The following GRIN2D variants were observed in gnomAD, a reference collection of about 807,000 sequenced individuals.
GRIN2D encodes the protein glutamate ionotropic receptor NMDA type subunit 2D.
In GRIN2D, 37 loss-of-function variants were observed where a neutral mutation model predicts 103.2. The observed-to-expected ratio is 0.36, with a 90% CI of 0.28 to 0.47. The LOEUF is 0.47. GRIN2D is among the 20% of genes least tolerant of loss of function. The probability of loss-of-function intolerance (pLI) is 1.00; values close to 1 mark genes in which losing one functional copy is unlikely to be tolerated. For synonymous variants in GRIN2D, 845 were observed against 885.6 expected, an observed-to-expected ratio of 0.95 and a Z score of 0.81; for missense variants, 1,557 against 1,910.6, an observed-to-expected ratio of 0.81 and a Z score of 3.45.
chr19:48,416,046 C>T lies in GRIN2D; in HGVS notation c.1626C>T (p.Ile542=). The change falls in exon 8 of 14, where the codon ATC becomes ATT. Residue 542 remains isoleucine (I), a synonymous_variant. Coordinates refer to ENST00000263269, the MANE Select transcript of GRIN2D (RefSeq NM_000836.4). ...RADMAIGSLT[I]NEERSEIVDF... ...ACATGGCCATCGGCTCCCTCACCATCAACGAGGAGCGCTCCGAGATCGTGG... is the reference window on the plus strand; with the variant it reads ...ACATGGCCATCGGCTCCCTCACCATTAACGAGGAGCGCTCCGAGATCGTGG... The T allele has an allele frequency of 1.9e-6, 3 of 1,614,002 alleles. No homozygotes were observed. The highest frequency in any genetic ancestry group is 1.7e-6 in the Non-Finnish European group (2 of 1,179,918).
At position 48,404,633 on chromosome 19, in the gene GRIN2D, C is replaced by T. The variant is rs1970759997; in HGVS notation, c.466-101C>T. On this transcript the variant is annotated intron_variant, in intron 3 of 13. Coordinates refer to ENST00000263269, the MANE Select transcript of GRIN2D (RefSeq NM_000836.4). ...AAGGAGATGGGTTTAGTGAACCTGT[C>T]GAGTCAGTCTGCCATATTGGGAGCT... is the stretch of plus-strand genomic sequence containing the variant. 5 of 1,190,854 alleles carry T rather than the reference C, an allele frequency of 4.2e-6. No homozygotes were observed. In the East Asian group the frequency reaches 7.1e-5, roughly 17 times the overall value. The allele number at this position is 1,190,854 out of a possible 1,614,324, so 73.8% of individuals were successfully genotyped here.
At chr19:48,432,296 C>A (rs1971167440) in intron 11 of GRIN2D, among the ~76,000 whole-genome samples, 1 of 151,734 alleles carries the variant, frequency 6.6e-6, no homozygotes, top group Non-Finnish European at 1.5e-5. Context: ...CTCAAGCGAT[C>A]CTCCTGCCTT....
In GRIN2D at chr19:48,421,898, C is replaced by G; in HGVS notation, c.2205C>G (p.Arg735=). Reference sequence around the variant, plus strand: ...CCGACATGCACAGCTACATGGTGCGCTACAACCAGCCCCGCGTAGAGGAAG... The same window carrying G: ...CCGACATGCACAGCTACATGGTGCGGTACAACCAGCCCCGCGTAGAGGAAG... ...NYPDMHSYMV[R]YNQPRVEEAL... The change falls in exon 11 of 14, where the codon CGC becomes CGG. Residue 735 remains arginine (R), a synonymous_variant. Transcript: ENST00000263269. The surrounding 1 kb of genome is among the most constrained non-coding windows in gnomAD (Gnocchi z 4.8). 1 of 1,614,160 alleles carries G rather than the reference C, an allele frequency of 6.2e-7. No individual in the cohort carries two copies. Among genetic ancestry groups the G allele is most frequent in the South Asian group, 1.1e-5 (1 of 91,076 alleles).
chr19:48,398,316 TC>T, intron 2 of GRIN2D, 50 bp from the exon 3 acceptor site: 1 of 728,754 alleles, frequency 1.4e-6, no homozygotes, highest in Non-Finnish European at 1.7e-6. Flanking sequence ...TCCCTGCGTC[TC>T]CCGTCTGTGC....
Position 48,394,607 on chromosome 19 carries a change from G to A in GRIN2D, c.-305-51G>A, listed in dbSNP as rs1409651939. On this transcript the variant is annotated intron_variant, in intron 1 of 13. Coordinates refer to ENST00000263269, the MANE Select transcript of GRIN2D (RefSeq NM_000836.4). This position sits in a 1 kb window ranked among gnomAD's most constrained non-coding sequence, Gnocchi z 5.1. ...GGGGGGATCCCCACGGGGTCGGGGC[G>A]GCAAGAGGACACCCCGACAGCCTCT... Among the ~76,000 whole-genome samples, 2 of 152,064 alleles carry A rather than the reference G, an allele frequency of 1.3e-5. No homozygotes were observed. The highest frequency in any genetic ancestry group is 2.4e-5 in the African/African-American group (1 of 41,408).
Position 48,441,968 on chromosome 19 carries a change from C to T in GRIN2D, c.2440+12C>T, listed in dbSNP as rs766215308. On this transcript the variant is annotated intron_variant, in intron 12 of 13. Coordinates refer to ENST00000263269, the MANE Select transcript of GRIN2D (RefSeq NM_000836.4). ...GTTCCTGGGGGATGGTGCGGCTGCA[C>T]ACAGGGATTTCCACAGCGGAGAGGG... 10 of 1,596,576 alleles carry T rather than the reference C, an allele frequency of 6.3e-6. No individual in the cohort carries two copies. The African/African-American group carries it at 1.3e-4, about 21-fold the overall frequency.
intron 11 of GRIN2D, among the ~76,000 whole-genome samples, chr19:48,429,715 A>ATGTGTG (rs35154284): frequency 0.034 from 5,037 of 146,974 alleles, 109 homozygotes; most frequent in Middle Eastern, 0.087. Context: ...TAATTTTTTA[A>ATGTGTG]TGTGTGTGTG....
intron 7 of GRIN2D, 22 bp from the exon 8 acceptor site, chr19:48,415,980 C>T (rs1184741435): frequency 6.2e-7 from 1 of 1,607,900 alleles, no homozygotes; most frequent in Non-Finnish European, 8.5e-7. Context: ...CCCCCGCCCA[C>T]TCCTCATCGC....
chr19:48,440,873 G>T (rs1174481371), intron 11 of GRIN2D, among the ~76,000 whole-genome samples: 1 of 152,090 alleles, frequency 6.6e-6, no homozygotes, highest in East Asian at 1.9e-4. Context: ...TTTCAGTAGA[G>T]ATGGGGTTTC....
In GRIN2D at chr19:48,414,162, G is replaced by A; in HGVS notation, c.1200+57G>A. 9.1e-7 allele frequency: 1 copy of A among 1,100,784 alleles called. No homozygotes were observed. Among genetic ancestry groups the A allele is most frequent in the East Asian group, 2.4e-5 (1 of 41,862 alleles). 68.2% of individuals were successfully genotyped at this position (1,100,784 alleles called of 1,614,324 possible). On this transcript the variant is annotated intron_variant, in intron 5 of 13. Coordinates refer to ENST00000263269, the MANE Select transcript of GRIN2D (RefSeq NM_000836.4). This position sits in a 1 kb window ranked among gnomAD's most constrained non-coding sequence, Gnocchi z 4.6. The stretch of plus-strand genomic sequence containing the variant: ...AGAGGGTGTGGACTCCTGCATCCTG[G>A]CAGAGGGGGGGCTTGAGGTCGTGGA...
At chr19:48,425,004 A>C (rs1360947225) in intron 11 of GRIN2D, among the ~76,000 whole-genome samples, 1 of 150,930 alleles carries the variant, frequency 6.6e-6, no homozygotes, top group Non-Finnish European at 1.5e-5. Flanking sequence ...AAGGACCCTG[A>C]GAATTCCAGA....
At chr19:48,396,773 C>G (rs1947426254) in intron 2 of GRIN2D, among the ~76,000 whole-genome samples, 1 of 152,054 alleles carries the variant, frequency 6.6e-6, no homozygotes, top group South Asian at 2.1e-4. Flanking sequence ...GTGGACCTTT[C>G]CCCCGCCCTG....
chr19:48,402,821 G>A (rs1970735469), intron 3 of GRIN2D, among the ~76,000 whole-genome samples: 1 of 145,768 alleles, frequency 6.9e-6, no homozygotes, highest in Non-Finnish European at 1.5e-5. Context: ...GAACAGTCTT[G>A]AGATAGGGGA....
intron 11 of GRIN2D, among the ~76,000 whole-genome samples, chr19:48,427,701 T>C (rs573570175): frequency 6.6e-6 from 1 of 151,958 alleles, no homozygotes; most frequent in Non-Finnish European, 1.5e-5. Flanking sequence ...TTGATCCACC[T>C]TGAACTCTTG....
At chr19:48,424,108 C>T (rs1971056566) in intron 11 of GRIN2D, among the ~76,000 whole-genome samples, 2 of 151,562 alleles carry the variant, frequency 1.3e-5, no homozygotes, top group Admixed American at 6.6e-5. Context: ...CGTGAGCCAC[C>T]ATGCCTGGCT....
chr19:48,425,811 A>G (rs1971079261), intron 11 of GRIN2D, among the ~76,000 whole-genome samples: 2 of 152,140 alleles, frequency 1.3e-5, no homozygotes, highest in Non-Finnish European at 2.9e-5. Flanking sequence ...ATACATAGAT[A>G]CAGTGAGGTA....
chr19:48,402,535 G>C (rs1424528001), intron 3 of GRIN2D, among the ~76,000 whole-genome samples: 1 of 151,452 alleles, frequency 6.6e-6, no homozygotes, highest in Non-Finnish European at 1.5e-5. Flanking sequence ...GGCTAACAAG[G>C]TGAAACCCCG....
Position 48,414,884 on chromosome 19 carries a change from GC to G in GRIN2D, c.1436del (p.Pro479ArgfsTer14), listed in dbSNP as rs781605068. On this transcript the variant is annotated frameshift_variant, in exon 7 of 14. Coordinates refer to ENST00000263269, the MANE Select transcript of GRIN2D (RefSeq NM_000836.4). LOFTEE classifies it high-confidence loss of function. The surrounding 1 kb of genome is among the most constrained non-coding windows in gnomAD (Gnocchi z 4.6). ...RTHSPPPDAP[R>X]PEKRCCKGFC... ...CGCAGCCCTCCACCGGATGCCCCCCGCCCGGAAAAGCGCTGCTGCAAGGGTT... is the reference window on the plus strand; with the variant it reads ...CGCAGCCCTCCACCGGATGCCCCCCGCCGGAAAAGCGCTGCTGCAAGGGTT... 1 of 1,614,046 alleles carries G rather than the reference GC, an allele frequency of 6.2e-7. No individual in the cohort carries two copies. The highest frequency in any genetic ancestry group is 2.2e-5 in the East Asian group (1 of 44,884).
At chr19:48,420,876 G>C (rs2147456964) in intron 10 of GRIN2D, among the ~76,000 whole-genome samples, 1 of 152,208 alleles carries the variant, frequency 6.6e-6, no homozygotes, top group Non-Finnish European at 1.5e-5. Flanking sequence ...AGATTCAACA[G>C]ACGAAAAAGA....
Sources: allele counts gnomAD v4.1 joint callset (sites outside exome capture counted in the v4.1 genomes callset), GRCh38; gene constraint gnomAD v4.1.1; non-coding constraint Gnocchi (gnomAD v3.1); transcripts MANE v1.5; gene names NCBI Gene and HGNC (gene_info 2026-07-23, HGNC 2026-07-21).